The following DLC1 variants were observed in gnomAD, a reference collection of about 807,000 sequenced individuals.
The protein encoded by DLC1 is rho GTPase-activating protein 7.
Under a neutral mutation model 140.3 loss-of-function variants are expected in DLC1, and 54 were observed. The ratio of observed to expected loss-of-function variants is 0.38; its 90% CI spans 0.31 to 0.48. DLC1 has a LOEUF of 0.48. Ranked by LOEUF, DLC1 falls within the 20% of genes least tolerant of loss-of-function variation. The probability of loss-of-function intolerance (pLI) is 0.96; values close to 1 mark genes in which losing one functional copy is unlikely to be tolerated. For missense variants in DLC1, 2,536 were observed against 1,907.0 expected, an observed-to-expected ratio of 1.33 and a Z score of -6.14; for synonymous variants, 986 against 728.1, an observed-to-expected ratio of 1.35 and a Z score of -5.70.
At chr8:13,348,946 A>G (rs896798018) in intron 4 of DLC1, among the ~76,000 whole-genome samples, 3 of 152,148 alleles carry the variant, frequency 2.0e-5, no homozygotes, top group Non-Finnish European at 2.9e-5. Context: ...AGTGCTCAGA[A>G]ATTGGAGGCA....
chr8:13,151,052 T>C (rs1230653173), intron 5 of DLC1, among the ~76,000 whole-genome samples: 1 of 152,158 alleles, frequency 6.6e-6, no homozygotes, highest in Non-Finnish European at 1.5e-5. Context: ...ATTACAGGAA[T>C]TGGAACCATA....
chr8:13,251,529 C>G (rs186441169), intron 5 of DLC1, among the ~76,000 whole-genome samples: 3 of 152,196 alleles, frequency 2.0e-5, no homozygotes. Context: ...AACTTTCCAC[C>G]TCTTTTACAT....
intron 5 of DLC1, among the ~76,000 whole-genome samples, chr8:13,269,039 AAT>A (rs1345875522): frequency 6.6e-6 from 1 of 151,674 alleles, no homozygotes; most frequent in Admixed American, 6.6e-5. Context: ...ACGCCTGGCT[AAT>A]TTTTTGTATT....
At chr8:13,183,865 G>A (rs188991007) in intron 5 of DLC1, among the ~76,000 whole-genome samples, 5 of 152,200 alleles carry the variant, frequency 3.3e-5, no homozygotes, top group Non-Finnish European at 5.9e-5. Flanking sequence ...CTTTTCTATC[G>A]ATTGGAATAG....
At chr8:13,133,982 T>C (rs1301708637) in intron 5 of DLC1, among the ~76,000 whole-genome samples, 1 of 152,084 alleles carries the variant, frequency 6.6e-6, no homozygotes, top group Non-Finnish European at 1.5e-5. Flanking sequence ...GTGCTGGGGG[T>C]CACAGCCCGT....
intron 1 of DLC1, among the ~76,000 whole-genome samples, chr8:13,529,891 A>G (rs1040145549): frequency 6.6e-6 from 1 of 152,154 alleles, no homozygotes; most frequent in African/African-American, 2.4e-5. Context: ...TATTCCTAAC[A>G]CTATACTGTG....
intron 5 of DLC1, among the ~76,000 whole-genome samples, chr8:13,277,607 C>G (rs1416588899): frequency 6.6e-6 from 1 of 152,126 alleles, no homozygotes; most frequent in Non-Finnish European, 1.5e-5. Context: ...AGATATGCGC[C>G]TTAGTTTCTA....
chr8:13,430,728 A>G (rs999181539), intron 2 of DLC1, among the ~76,000 whole-genome samples: 5 of 152,224 alleles, frequency 3.3e-5, no homozygotes, highest in African/African-American at 1.2e-4. Flanking sequence ...GCTGAAAAGA[A>G]TCAACATTTA....
intron 1 of DLC1, among the ~76,000 whole-genome samples, chr8:13,570,974 G>A (rs528407288): frequency 6.6e-6 from 1 of 152,250 alleles, no homozygotes; most frequent in African/African-American, 2.4e-5. Context: ...GAGCACAGGA[G>A]GAGAGAACTC....
intron 1 of DLC1, among the ~76,000 whole-genome samples, chr8:13,559,739 G>A (rs887035841): frequency 1.3e-5 from 2 of 152,058 alleles, no homozygotes; most frequent in African/African-American, 2.4e-5. Context: ...TTCTACCCAA[G>A]GAAAACACAA....
chr8:13,099,838 G>T lies in DLC1; in HGVS notation c.2499C>A (p.Asn833Lys). 1.9e-6 allele frequency: 3 copies of T among 1,614,196 alleles called. No homozygotes were observed. The highest frequency in any genetic ancestry group is 2.5e-6 in the Non-Finnish European group (3 of 1,180,040). The change falls in exon 9 of 18, where the codon AAC (asparagine) becomes AAA (lysine). Residue 833 changes from asparagine (N) to lysine (K), a missense_variant. Coordinates refer to ENST00000276297, the MANE Select transcript of DLC1 (RefSeq NM_182643.3). ...TNGSFSPSGN[N>K]GSVNWRTGSF... Reference sequence around the variant, plus strand: ...TTCCCGTCCTCCAGTTCACAGAGCCGTTATTCCCCGAGGGGGAGAAACTGC... The same window carrying T: ...TTCCCGTCCTCCAGTTCACAGAGCCTTTATTCCCCGAGGGGGAGAAACTGC...
chr8:13,327,126 T>G (rs1833389780), intron 4 of DLC1, among the ~76,000 whole-genome samples: 2 of 128,350 alleles, frequency 1.6e-5, no homozygotes, highest in Non-Finnish European at 3.1e-5. Flanking sequence ...GGCTATTTTT[T>G]TTTTTTTTTT....
intron 16 of DLC1, among the ~76,000 whole-genome samples, chr8:13,086,926 G>C (rs901665835): frequency 4.6e-5 from 7 of 152,164 alleles, no homozygotes; most frequent in Non-Finnish European, 8.8e-5. Context: ...TCCGGGGGCT[G>C]AGATGGTAGG....
chr8:13,402,631 C>T (rs144228918), intron 2 of DLC1, among the ~76,000 whole-genome samples: 4 of 152,192 alleles, frequency 2.6e-5, no homozygotes, highest in Non-Finnish European at 4.4e-5. Context: ...AAAAGGACCA[C>T]CAGTGGCTGA....
intron 1 of DLC1, chr8:13,557,688 GATT>G (rs2117373310): frequency 6.6e-6 from 1 of 152,648 alleles, no homozygotes; most frequent in East Asian, 1.9e-4. Flanking sequence ...CTTCTGCCAT[GATT>G]ATAAGTTTCC....
chr8:13,175,266 T>C (rs1160692368), intron 5 of DLC1, among the ~76,000 whole-genome samples: 1 of 151,768 alleles, frequency 6.6e-6, no homozygotes, highest in Non-Finnish European at 1.5e-5. Flanking sequence ...TGTAGCTTTA[T>C]AATATAGTTT....
rs899438834 is a variant in DLC1 at position 13,333,088 on chromosome 8, C to T, written c.1315-27786G>A. Among the ~76,000 whole-genome samples, 5 of 152,124 alleles carry T rather than the reference C, an allele frequency of 3.3e-5. 1 individual carries two copies. Among genetic ancestry groups the T allele is most frequent in the East Asian group, 3.8e-4 (2 of 5,198 alleles). On this transcript the variant is annotated intron_variant, in intron 4 of 17. Transcript: ENST00000276297. ...TATATTACAGTTTTTTCATATTGCA[C>T]TTACTACTTATATAAATTGTTTAAA...
intron 4 of DLC1, among the ~76,000 whole-genome samples, chr8:13,312,633 A>T (rs926904459): frequency 6.6e-6 from 1 of 152,016 alleles, no homozygotes; most frequent in Non-Finnish European, 1.5e-5. Flanking sequence ...GAACATTGCT[A>T]ATAGAAAAAA....
intron 2 of DLC1, among the ~76,000 whole-genome samples, chr8:13,463,108 G>C (rs1799748606): frequency 6.6e-6 from 1 of 151,836 alleles, no homozygotes; most frequent in East Asian, 1.9e-4. Context: ...GGTAGTTTAT[G>C]AGCTGGTTTT....
Sources: gnomAD v4.1 joint callset for allele counts (sites outside exome capture counted in the v4.1 genomes callset) on GRCh38, gnomAD v4.1.1 for gene constraint, MANE v1.5 for transcripts, NCBI Gene and HGNC (gene_info 2026-07-23, HGNC 2026-07-21) for gene names.